Variants in TMEM116 observed in about 807,000 individuals in gnomAD.
TMEM116 encodes the protein transmembrane protein 116.
A neutral mutation model predicts 44.3 loss-of-function variants in TMEM116; 38 were observed. That is an observed-to-expected ratio of 0.86 (90% CI 0.66 to 1.12). TMEM116 has a LOEUF of 1.12. Among genes scored for constraint, TMEM116 ranks in the 50% most tolerant of loss-of-function variants. TMEM116 has a pLI of 0.00. For missense variants in TMEM116, 354 were observed against 401.7 expected, an observed-to-expected ratio of 0.88 and a Z score of 1.01; for synonymous variants, 132 against 144.8, an observed-to-expected ratio of 0.91 and a Z score of 0.64.
intron 4 of TMEM116, among the ~76,000 whole-genome samples, chr12:111,985,704 CAGCCTCCAG>C (rs1688196870): frequency 6.6e-6 from 1 of 152,166 alleles, no homozygotes; most frequent in African/African-American, 2.4e-5. Context: ...TCTCCCATCC[CAGCCTCCAG>C]AGCCTCCAGA....
At chr12:112,011,191 C>G (rs557215919) in intron 1 of TMEM116, 2 of 152,448 alleles carry the variant, frequency 1.3e-5, no homozygotes, top group Admixed American at 1.3e-4. Flanking sequence ...CACAATGGCA[C>G]CAGGGGCTCC....
At position 111,931,763 on chromosome 12, in the gene TMEM116, A is replaced by C; in HGVS notation, c.872T>G (p.Phe291Cys). ...CGVYGWTQHK[F>C]HQLKQEARRD... ...CCGAGCCTCCTGCTTTAGTTGGTGG[A>C]ATTTGTGCTGCGTCCAGCCATATAC... The change falls in exon 11 of 11, where the codon TTC becomes TGC. Residue 291 changes from phenylalanine to cysteine, a missense_variant. By Grantham distance (205) the Phe-to-Cys change is radical. Transcript: ENST00000552374. The C allele has an allele frequency of 6.2e-7, 1 of 1,605,036 alleles. No homozygotes were observed. Among genetic ancestry groups the C allele is most frequent in the Non-Finnish European group, 8.5e-7 (1 of 1,175,766 alleles).
intron 4 of TMEM116, among the ~76,000 whole-genome samples, chr12:111,983,573 G>C (rs1034589973): frequency 3.9e-5 from 6 of 151,980 alleles, no homozygotes; most frequent in African/African-American, 1.2e-4. Context: ...CTCCAGCCTG[G>C]GAGACAGAGC....
At chr12:111,942,768 ATGTGTGTGTG>A (rs559680771) in intron 5 of TMEM116, among the ~76,000 whole-genome samples, 1 of 149,604 alleles carries the variant, frequency 6.7e-6, no homozygotes, top group Non-Finnish European at 1.5e-5. Flanking sequence ...CTGTATGTGT[ATGTGTGTGTG>A]TGTGGGTGTG....
Position 111,931,738 on chromosome 12 carries a change from C to G in TMEM116, c.897G>C (p.Arg299=). The G allele has an allele frequency of 6.2e-7, 1 of 1,611,990 alleles. No homozygotes were observed. The highest frequency in any genetic ancestry group is 1.1e-5 in the South Asian group (1 of 90,680). The change falls in exon 11 of 11, where the codon CGG becomes CGC. Residue 299 remains arginine, a synonymous_variant. Coordinates refer to ENST00000552374, the MANE Select transcript of TMEM116 (RefSeq NM_001193531.2). ...ATGGTGTCTGGGTATCTGCATCACG[C>G]CGAGCCTCCTGCTTTAGTTGGTGGA... ...HKFHQLKQEA[R]RDADTQTPLL...
chr12:111,948,906 T>C (rs2073492715), intron 4 of TMEM116, among the ~76,000 whole-genome samples: 1 of 151,082 alleles, frequency 6.6e-6, no homozygotes, highest in African/African-American at 2.4e-5. Context: ...TAGCAAGACC[T>C]CATCTCTACA....
At chr12:111,959,170 T>A (rs911818427) in intron 4 of TMEM116, among the ~76,000 whole-genome samples, 1 of 152,116 alleles carries the variant, frequency 6.6e-6, no homozygotes, top group African/African-American at 2.4e-5. Context: ...CCCTACAAGC[T>A]AGAAGAGAGT....
rs1238730620 is a variant in TMEM116, at chr12:111,940,562, T to C, written c.316-2352A>G. On this transcript the variant is annotated intron_variant, in intron 5 of 10. Coordinates refer to ENST00000552374, the MANE Select transcript of TMEM116 (RefSeq NM_001193531.2). ...ATATATATACACACACACATATATA[T>C]GTGTGTATATATATATATATATCTT... Among the ~76,000 whole-genome samples, 5 of 132,854 alleles carry C rather than the reference T, an allele frequency of 3.8e-5. 1 individual carries two copies. In the East Asian group the frequency reaches 1.7e-3, roughly 46 times the overall value. 87.2% of individuals were successfully genotyped at this position (132,854 alleles called of 152,430 possible).
intron 4 of TMEM116, among the ~76,000 whole-genome samples, chr12:111,946,282 T>C (rs1437605957): frequency 1.3e-5 from 2 of 152,168 alleles, no homozygotes; most frequent in Non-Finnish European, 1.5e-5. Flanking sequence ...CACAGAAATA[T>C]AGTGTGGAGC....
intron 4 of TMEM116, among the ~76,000 whole-genome samples, chr12:111,958,277 TA>T (rs61637468): frequency 0.049 from 1,330 of 27,334 alleles, 6 homozygotes; most frequent in African/African-American, 0.066. Context: ...CAATAAATAC[TA>T]AAAAAAAAAA....
At chr12:111,933,785 T>C in intron 9 of TMEM116, 101 bp downstream of exon 9, 1 of 1,463,306 alleles carries the variant, frequency 6.8e-7, no homozygotes, top group Non-Finnish European at 9.3e-7. Flanking sequence ...TGTGAGCCAC[T>C]GTGCCCGACC....
chr12:111,952,429 T>G (rs1006597442), intron 4 of TMEM116, among the ~76,000 whole-genome samples: 2 of 152,190 alleles, frequency 1.3e-5, no homozygotes, highest in African/African-American at 4.8e-5. Flanking sequence ...CTGAGACCCA[T>G]ATACACATAA....
chr12:111,931,428 T>C lies in TMEM116; in HGVS notation c.*193A>G. 1 of 606,244 alleles carries C rather than the reference T, an allele frequency of 1.6e-6. No individual in the cohort carries two copies. 37.6% of individuals were successfully genotyped at this position (606,244 alleles called of 1,614,324 possible). On this transcript the variant is annotated 3_prime_UTR_variant, in exon 11 of 11. Coordinates refer to ENST00000552374, the MANE Select transcript of TMEM116 (RefSeq NM_001193531.2). ...CCTGAATAGAGACTTTAAGGATCACTAGTGAATCTGGGAATAACTGGAGAG... is the reference window on the plus strand; with the variant it reads ...CCTGAATAGAGACTTTAAGGATCACCAGTGAATCTGGGAATAACTGGAGAG...
chr12:111,958,948 C>T (rs1417495296), intron 4 of TMEM116, among the ~76,000 whole-genome samples: 1 of 152,132 alleles, frequency 6.6e-6, no homozygotes, highest in Non-Finnish European at 1.5e-5. Context: ...AGGAGAACTT[C>T]CCCAACCTAG....
In TMEM116 at chr12:111,933,874, T is replaced by G; in HGVS notation, c.733+12A>C. 1 of 1,613,564 alleles carries G rather than the reference T, an allele frequency of 6.2e-7. No individual in the cohort carries two copies. Among genetic ancestry groups the G allele is most frequent in the Non-Finnish European group, 8.5e-7 (1 of 1,179,870 alleles). On this transcript the variant is annotated intron_variant, in intron 9 of 10. Coordinates refer to ENST00000552374, the MANE Select transcript of TMEM116 (RefSeq NM_001193531.2). ...CCTCTTCACTGCCCATCTCTTCTTG[T>G]TAAGTACCTACCTGGGCCCCAGCAG... is the stretch of plus-strand genomic sequence containing the variant.
intron 5 of TMEM116, among the ~76,000 whole-genome samples, chr12:111,938,502 A>C (rs2072371562): frequency 6.6e-6 from 1 of 152,204 alleles, no homozygotes; most frequent in African/African-American, 2.4e-5. Flanking sequence ...GCACTCAAAC[A>C]AATTCTTTTA....
chr12:111,944,859 C>T (rs925904424), intron 4 of TMEM116, among the ~76,000 whole-genome samples: 6 of 151,926 alleles, frequency 3.9e-5, no homozygotes, highest in Non-Finnish European at 8.8e-5. Flanking sequence ...AAGAGTATTG[C>T]TTCTGTAATG....
At chr12:112,005,147 C>A in intron 2 of TMEM116, 110 bp downstream of exon 2, 1 of 652,332 alleles carries the variant, frequency 1.5e-6, no homozygotes, top group Non-Finnish European at 2.4e-6. Context: ...AATATCATTT[C>A]TCTTTAACTA....
At chr12:111,954,060 G>A (rs1050693685) in intron 4 of TMEM116, among the ~76,000 whole-genome samples, 6 of 150,674 alleles carry the variant, frequency 4.0e-5, no homozygotes, top group Middle Eastern at 3.4e-3. Flanking sequence ...ATAATTACAC[G>A]CCAATAAAGC....
Sources: gnomAD v4.1 joint callset for allele counts (sites outside exome capture counted in the v4.1 genomes callset) on GRCh38, gnomAD v4.1.1 for gene constraint, MANE v1.5 for transcripts, NCBI Gene and HGNC (gene_info 2026-07-23, HGNC 2026-07-21) for gene names.